Variants in ZNF789 observed in about 807,000 individuals in gnomAD.
The protein encoded by ZNF789 is zinc finger protein 789.
In ZNF789, 11 loss-of-function variants were observed where a neutral mutation model predicts 15.6. That is an observed-to-expected ratio of 0.70 (90% CI 0.44 to 1.16). ZNF789 has a LOEUF of 1.16. ZNF789 is among the 50% of genes most tolerant of loss of function. The probability of loss-of-function intolerance (pLI) is 0.00; values close to 1 mark genes in which losing one functional copy is unlikely to be tolerated. For missense variants in ZNF789, 461 were observed against 512.6 expected (o/e 0.90, Z 0.97); for synonymous variants, 159 against 176.0 (o/e 0.90, Z 0.76).
rs913641800 is a variant in ZNF789, at chr7:99,472,890, A to T, written c.-221A>T. On this transcript the variant is annotated 5_prime_UTR_variant, in exon 1 of 5. Coordinates refer to ENST00000331410, the MANE Select transcript of ZNF789 (RefSeq NM_213603.3). ...TCGCTCGGCGCGCGCAGGTGGAGCC[A>T]GCGAGAGGCTCTGAGGCTGCCAGAG... The T allele has an allele frequency of 2.6e-5, 4 of 152,326 alleles. No individual in the cohort carries two copies. The highest frequency in any genetic ancestry group is 9.6e-5 in the African/African-American group (4 of 41,458). The allele number at this position is 152,326 out of a possible 1,614,324, so 9.4% of individuals were successfully genotyped here. A position where few individuals can be genotyped will look rare whatever the true frequency, so the allele number is the denominator to read the frequency against.
chr7:99,477,027 T>G (rs907692292), intron 2 of ZNF789, among the ~76,000 whole-genome samples: 2 of 152,072 alleles, frequency 1.3e-5, no homozygotes, highest in African/African-American at 4.8e-5. Flanking sequence ...GGAGGGTGAT[T>G]AGAAGAGACT....
chr7:99,474,194 G>C (rs1171924180), intron 1 of ZNF789, among the ~76,000 whole-genome samples: 2 of 152,268 alleles, frequency 1.3e-5, no homozygotes, highest in East Asian at 3.9e-4. Flanking sequence ...TGGCTTCCCT[G>C]GGCCACATTG....
At chr7:99,476,182 G>A (rs1187204240) in intron 1 of ZNF789, 7 of 463,364 alleles carry the variant, frequency 1.5e-5, no homozygotes, top group South Asian at 2.6e-5. Flanking sequence ...TAGGGAGAAG[G>A]GGAGGGCAGG....
chr7:99,486,506 T>C lies in ZNF789; in HGVS notation c.296T>C (p.Leu99Pro). The part of the protein sequence containing the change: ...GSEARHKMKK[L>P]TPKQKFSEDL... ...GAAGCCAGACACAAGATGAAAAAGCTAACTCCAAAACAGAAATTTTCTGAA... is the reference window on the plus strand; with the variant it reads ...GAAGCCAGACACAAGATGAAAAAGCCAACTCCAAAACAGAAATTTTCTGAA... Residue 99 changes from leucine to proline, a missense_variant, in exon 5 of 5, where the codon CTA (leucine) becomes CCA (proline). Leu to Pro is a moderately conservative substitution (Grantham distance 98, BLOSUM62 -3). Transcript: ENST00000331410. 6.2e-7 allele frequency: 1 copy of C among 1,612,352 alleles called. No individual in the cohort carries two copies. Among genetic ancestry groups the C allele is most frequent in the South Asian group, 1.1e-5 (1 of 90,702 alleles).
At chr7:99,477,320 C>T (rs1164250705) in intron 2 of ZNF789, among the ~76,000 whole-genome samples, 1 of 151,816 alleles carries the variant, frequency 6.6e-6, no homozygotes, top group Non-Finnish European at 1.5e-5. Flanking sequence ...GCATTACAGG[C>T]GTGAGCCACT....
chr7:99,474,410 C>T (rs374378390), intron 1 of ZNF789, among the ~76,000 whole-genome samples: 10 of 152,164 alleles, frequency 6.6e-5, no homozygotes, highest in East Asian at 1.9e-4. Context: ...CTGGCTAACA[C>T]GGTGAAACCC....
intron 2 of ZNF789, 169 bp from the exon 3 acceptor site, chr7:99,479,492 T>C: frequency 1.6e-6 from 1 of 637,372 alleles, no homozygotes; most frequent in Non-Finnish European, 2.4e-6. Flanking sequence ...AGCACATGTC[T>C]GGCCTGAGGG....
chr7:99,486,813 T>G lies in ZNF789; in HGVS notation c.603T>G (p.Tyr201Ter). Residue 201 changes from tyrosine (Y) to a stop codon, truncating the protein, a stop_gained, in exon 5 of 5, where the codon TAT becomes TAG. Transcript: ENST00000331410. LOFTEE classifies it low-confidence loss of function (END_TRUNC). ...GAATTCTCACAAGAGCAAAGTCTTA[T>G]GAATGCAGTGAATGTGGAAAAGTCA... is the stretch of plus-strand genomic sequence containing the variant. ...HERILTRAKS[Y>*]ECSECGKVIR... 6.2e-7 allele frequency: 1 copy of G among 1,614,226 alleles called. No individual in the cohort carries two copies. Among genetic ancestry groups the G allele is most frequent in the Non-Finnish European group, 8.5e-7 (1 of 1,180,040 alleles).
chr7:99,479,614 TAA>T, intron 2 of ZNF789, 45 bp from the exon 3 acceptor site: 1 of 1,548,762 alleles, frequency 6.5e-7, no homozygotes, highest in South Asian at 1.2e-5. Flanking sequence ...TCATTGAGCG[TAA>T]GTTATTTTAA....
intron 2 of ZNF789, chr7:99,478,978 A>G (rs1204229526): frequency 6.6e-6 from 1 of 152,450 alleles, no homozygotes; most frequent in East Asian, 1.9e-4. Context: ...CATCCTGTTC[A>G]GCCGCAGCTG....
chr7:99,473,347 G>A (rs1447395868), intron 1 of ZNF789, among the ~76,000 whole-genome samples: 1 of 152,202 alleles, frequency 6.6e-6, no homozygotes, highest in African/African-American at 2.4e-5. Flanking sequence ...TTTGGATTTT[G>A]TCAAAAGTTA....
intron 1 of ZNF789, among the ~76,000 whole-genome samples, chr7:99,475,353 C>T (rs1799267597): frequency 6.6e-6 from 1 of 151,758 alleles, no homozygotes; most frequent in Non-Finnish European, 1.5e-5. Context: ...AGAGATCACA[C>T]CATTGTACTC....
At chr7:99,485,089 C>A in intron 4 of ZNF789, 1 of 1,258,412 alleles carries the variant, frequency 7.9e-7, no homozygotes, top group Non-Finnish European at 1.1e-6. Context: ...CTTGATTCCA[C>A]CCTCATTACT....
In ZNF789 at chr7:99,483,508, G is replaced by C. The variant is rs774582798; in HGVS notation, c.152-522G>C. 3 of 515,954 alleles carry C rather than the reference G, an allele frequency of 5.8e-6. No homozygotes were observed. In the East Asian group the frequency reaches 1.1e-4, roughly 19 times the overall value. 32.0% of individuals were successfully genotyped at this position (515,954 alleles called of 1,614,324 possible). On this transcript the variant is annotated intron_variant, in intron 3 of 4. Coordinates refer to ENST00000331410, the MANE Select transcript of ZNF789 (RefSeq NM_213603.3). ...AGCAAAGCGTGGGGGCGCTGTGCCT[G>C]TAGTTCCAGCTACTTGGGAGGCTGA...
chr7:99,476,579 T>G, intron 2 of ZNF789, 99 bp downstream of exon 2: 1 of 1,481,300 alleles, frequency 6.8e-7, no homozygotes, highest in African/African-American at 1.4e-5. Context: ...GGAGTTTTCC[T>G]TCTTAGACAG....
chr7:99,476,589 G>T, intron 2 of ZNF789, 109 bp downstream of exon 2: 1 of 1,353,264 alleles, frequency 7.4e-7, no homozygotes. Flanking sequence ...TTCTTAGACA[G>T]TGCAATGTAG....
At position 99,476,590 on chromosome 7, in the gene ZNF789, T is replaced by G. The variant is rs953229158; in HGVS notation, c.24+110T>G. On this transcript the variant is annotated intron_variant, in intron 2 of 4. Coordinates refer to ENST00000331410, the MANE Select transcript of ZNF789 (RefSeq NM_213603.3). Reference sequence around the variant, plus strand: ...GTGGGGAGTTTTCCTTCTTAGACAGTGCAATGTAGAGAGCTTAGCCTCTGG... The same window carrying G: ...GTGGGGAGTTTTCCTTCTTAGACAGGGCAATGTAGAGAGCTTAGCCTCTGG... The G allele has an allele frequency of 1.3e-5, 17 of 1,353,040 alleles. No homozygotes were observed. In the African/African-American group the frequency reaches 2.4e-4, roughly 19 times the overall value. The allele number at this position is 1,353,040 out of a possible 1,614,324, so 83.8% of individuals were successfully genotyped here.
chr7:99,476,572 G>T, intron 2 of ZNF789, 92 bp downstream of exon 2: 1 of 1,532,044 alleles, frequency 6.5e-7, no homozygotes, highest in Non-Finnish European at 8.9e-7. Context: ...AATGTGGGGA[G>T]TTTTCCTTCT....
At chr7:99,479,276 A>T (rs1005522004) in intron 2 of ZNF789, 2 of 168,840 alleles carry the variant, frequency 1.2e-5, no homozygotes, top group African/African-American at 4.7e-5. Flanking sequence ...TTTCCCTGAA[A>T]CACAGCTGTG....
Sources: gnomAD v4.1 joint callset for allele counts (sites outside exome capture counted in the v4.1 genomes callset) on GRCh38, gnomAD v4.1.1 for gene constraint, MANE v1.5 for transcripts, NCBI Gene and HGNC (gene_info 2026-07-23, HGNC 2026-07-21) for gene names.